PTPRS: variants seen among roughly 807,000 people sequenced by gnomAD.
PTPRS encodes the protein receptor-type tyrosine-protein phosphatase S.
In PTPRS, 63 loss-of-function variants were observed where a neutral mutation model predicts 215.3. The observed-to-expected ratio is 0.29, with a 90% CI of 0.24 to 0.36. The LOEUF (loss-of-function observed/expected upper bound fraction) is 0.36. PTPRS is among the 10% of genes least tolerant of loss of function. The pLI, the probability that PTPRS is intolerant of heterozygous loss-of-function variation, is 1.00. For synonymous variants in PTPRS, 1,404 were observed against 1,191.4 expected (o/e 1.18, Z -3.68); for missense variants, 2,258 against 2,825.8 (o/e 0.80, Z 4.56).
chr19:5,272,975 T>C (rs996491273), intron 4 of PTPRS: 1 of 194,494 alleles, frequency 5.1e-6, no homozygotes, highest in Non-Finnish European at 1.1e-5. Context: ...GGGAATGGGA[T>C]CCAAGTTCAT....
intron 1 of PTPRS, among the ~76,000 whole-genome samples, chr19:5,306,347 G>A (rs2049493419): frequency 6.6e-6 from 1 of 152,060 alleles, no homozygotes; most frequent in African/African-American, 2.4e-5. Flanking sequence ...GTTTCACCAT[G>A]TTGGCCAGGC....
rs374754275 is a variant in PTPRS, at chr19:5,220,247, C to T, written c.3549+13G>A. 5 of 1,613,232 alleles carry T rather than the reference C, an allele frequency of 3.1e-6. No individual in the cohort carries two copies. The Admixed American group carries it at 5.0e-5, about 16-fold the overall frequency. ...TGCATCTGGGCCCTGCGGGTTGGGC[C>T]CCAGGCCCTCACCTCTTCCAGATCC... is the stretch of plus-strand genomic sequence containing the variant. On this transcript the variant is annotated intron_variant, in intron 21 of 37. Transcript: ENST00000262963.
At chr19:5,230,320 G>A (rs925310940) in intron 14 of PTPRS, among the ~76,000 whole-genome samples, 6 of 152,210 alleles carry the variant, frequency 3.9e-5, no homozygotes, top group African/African-American at 1.4e-4. Context: ...TTTTGAGACA[G>A]GTTCTCTTAC....
At chr19:5,305,466 G>C (rs1383282844) in intron 1 of PTPRS, among the ~76,000 whole-genome samples, 1 of 152,158 alleles carries the variant, frequency 6.6e-6, no homozygotes, top group Non-Finnish European at 1.5e-5. Context: ...AGGATCACTT[G>C]AGCCTTGGAG....
intron 1 of PTPRS, among the ~76,000 whole-genome samples, chr19:5,334,236 G>C (rs1303913135): frequency 6.6e-6 from 1 of 152,250 alleles, no homozygotes; most frequent in African/African-American, 2.4e-5. Context: ...GACCCCATCG[G>C]GGGGCTGAGG....
At chr19:5,206,927 CT>C in intron 37 of PTPRS, 85 bp from the exon 38 acceptor site, 2 of 1,253,446 alleles carry the variant, frequency 1.6e-6, no homozygotes, top group Non-Finnish European at 2.3e-6. Context: ...GCAGGCCAAG[CT>C]CCTCAGCCTT....
intron 1 of PTPRS, among the ~76,000 whole-genome samples, chr19:5,320,120 C>T (rs1399208928): frequency 3.9e-5 from 6 of 152,194 alleles, no homozygotes; most frequent in Non-Finnish European, 5.9e-5. Flanking sequence ...AGGCTGACGG[C>T]GGAAGCCTCC....
intron 9 of PTPRS, among the ~76,000 whole-genome samples, chr19:5,253,785 C>A (rs72983106): frequency 0.24 from 36,821 of 152,108 alleles, 5,163 homozygotes; most frequent in Non-Finnish European, 0.33. Flanking sequence ...AACTAAGACC[C>A]ACAAAGAAGG....
intron 1 of PTPRS, among the ~76,000 whole-genome samples, chr19:5,300,734 C>T (rs185189602): frequency 2.3e-4 from 31 of 133,054 alleles, no homozygotes; most frequent in African/African-American, 8.7e-4. Context: ...TGCCACTGCA[C>T]TCCAGCCTGG....
intron 2 of PTPRS, chr19:5,277,706 A>T: frequency 5.0e-6 from 3 of 596,688 alleles, no homozygotes; most frequent in South Asian, 4.9e-5. Context: ...CTGCCTAAGG[A>T]GGTGGCAGCC....
At chr19:5,211,877 T>C in intron 32 of PTPRS, 88 bp downstream of exon 32, 1 of 1,567,348 alleles carries the variant, frequency 6.4e-7, no homozygotes, top group Non-Finnish European at 8.7e-7. Context: ...CACCACCTTC[T>C]AGTCCCCATT....
chr19:5,212,299 C>T (rs375900256), intron 31 of PTPRS, 38 bp downstream of exon 31: 111 of 1,609,176 alleles, frequency 6.9e-5, no homozygotes, highest in Middle Eastern at 1.6e-4. Context: ...CTGCGGGGAC[C>T]GGGGGGAAGC....
chr19:5,272,457 G>A (rs1306824272), intron 4 of PTPRS, among the ~76,000 whole-genome samples: 5 of 151,552 alleles, frequency 3.3e-5, no homozygotes, highest in Non-Finnish European at 5.9e-5. Context: ...AATTAGCTGG[G>A]CGTGGTGGCA....
intron 30 of PTPRS, among the ~76,000 whole-genome samples, 162 bp downstream of exon 30, chr19:5,214,199 C>A (rs1205079608): frequency 6.6e-6 from 1 of 152,246 alleles, no homozygotes; most frequent in African/African-American, 2.4e-5. Context: ...TCAGTTTCCC[C>A]CTCCACGGAA....
intron 1 of PTPRS, among the ~76,000 whole-genome samples, chr19:5,311,530 G>T (rs927089733): frequency 6.6e-6 from 1 of 152,146 alleles, no homozygotes; most frequent in African/African-American, 2.4e-5. Context: ...AGCTTTCCTT[G>T]GGGTCTGAAG....
chr19:5,214,548 G>C lies in PTPRS; in HGVS notation c.4494+13C>G. 6.2e-7 allele frequency: 1 copy of C among 1,612,048 alleles called. No individual in the cohort carries two copies. Among genetic ancestry groups the C allele is most frequent in the Non-Finnish European group, 8.5e-7 (1 of 1,178,732 alleles). On this transcript the variant is annotated intron_variant, in intron 29 of 37. Transcript: ENST00000262963. The stretch of plus-strand genomic sequence containing the variant: ...CTGGCAGGGGCTTGAGGGCCGTGGG[G>C]TCCAAGGCTCACCCGTGACTTCTCC...
At position 5,222,906 on chromosome 19, in the gene PTPRS, G is replaced by A; in HGVS notation, c.2886C>T (p.Ile962=). ...PPVPAERNGA[I]VKYTVAVREA... ...CCCGCACGGCCACCGTGTATTTGAC[G>A]ATGGCCCCGTTGCGCTCGGCGGGCA... The change falls in exon 18 of 38, where the codon ATC becomes ATT. Residue 962 remains isoleucine, a synonymous_variant. Transcript: ENST00000262963. 1.9e-6 allele frequency: 3 copies of A among 1,571,670 alleles called. No individual in the cohort carries two copies. The highest frequency in any genetic ancestry group is 1.1e-5 in the South Asian group (1 of 87,996).
intron 9 of PTPRS, among the ~76,000 whole-genome samples, chr19:5,250,021 C>T (rs1402541421): frequency 1.3e-5 from 2 of 152,090 alleles, no homozygotes; most frequent in African/African-American, 4.8e-5. Flanking sequence ...ACTTGCAGTA[C>T]AGGGTTAACT....
rs779673227 is a variant in PTPRS at position 5,265,119 on chromosome 19, T to A, written c.457A>T (p.Thr153Ser). The A allele has an allele frequency of 5.6e-6, 9 of 1,614,058 alleles. No individual in the cohort carries two copies. The highest frequency in any genetic ancestry group is 7.6e-6 in the Non-Finnish European group (9 of 1,180,036). ...TTGCCGCTGGCTGCACAGAGCATGG[T>A]GGCTGTCCGTGTCCGCTCCACCACC... The part of the protein sequence containing the change: ...LKVVERTRTA[T>S]MLCAASGNPD... Residue 153 changes from threonine to serine, a missense_variant, in exon 5 of 38, where the codon ACC becomes TCC. Physicochemically the swap from Thr to Ser is moderately conservative, Grantham distance 58 (BLOSUM62 1). Coordinates refer to ENST00000262963, the MANE Select transcript of PTPRS (RefSeq NM_002850.4).
Sources: gnomAD v4.1 joint callset for allele counts (sites outside exome capture counted in the v4.1 genomes callset) on GRCh38, gnomAD v4.1.1 for gene constraint, MANE v1.5 for transcripts, NCBI Gene and HGNC (gene_info 2026-07-23, HGNC 2026-07-21) for gene names.